Variants in ACTA2 observed in about 807,000 individuals in gnomAD.
The protein encoded by ACTA2 is actin alpha 2, smooth muscle.
In ACTA2, 12 loss-of-function variants were observed where a neutral mutation model predicts 39.5. The ratio of observed to expected loss-of-function variants is 0.30; its 90% CI spans 0.19 to 0.49. The LOEUF (loss-of-function observed/expected upper bound fraction) is 0.49. Among genes scored for constraint, ACTA2 ranks in the 20% least tolerant of loss-of-function variants. The pLI, the probability that ACTA2 is intolerant of heterozygous loss-of-function variation, is 0.99. For missense variants in ACTA2, 236 were observed against 498.8 expected, an observed-to-expected ratio of 0.47 and a Z score of 5.02; for synonymous variants, 158 against 180.6, an observed-to-expected ratio of 0.88 and a Z score of 1.00.
chr10:88,941,532 G>A, intron 5 of ACTA2, 142 bp from the exon 6 acceptor site: 4 of 1,114,190 alleles, frequency 3.6e-6, no homozygotes, highest in Admixed American at 3.9e-5. Flanking sequence ...GATAGGAGAG[G>A]TGAGGTGGGA....
intron 1 of ACTA2, among the ~76,000 whole-genome samples, chr10:88,962,625 C>T (rs542458165): frequency 2.6e-5 from 4 of 152,044 alleles, no homozygotes; most frequent in African/African-American, 4.8e-5. Context: ...AGTGTATGAA[C>T]GTAAGAGTGT....
chr10:88,977,234 TG>T (rs1846585662), intron 1 of ACTA2, among the ~76,000 whole-genome samples: 1 of 151,780 alleles, frequency 6.6e-6, no homozygotes, highest in Non-Finnish European at 1.5e-5. Flanking sequence ...ATGAAGTCCT[TG>T]CCCATGCCTA....
At chr10:88,981,602 T>G (rs1286473921) in intron 1 of ACTA2, among the ~76,000 whole-genome samples, 4 of 152,128 alleles carry the variant, frequency 2.6e-5, no homozygotes, top group Non-Finnish European at 5.9e-5. Context: ...ATCCAACAGC[T>G]GCTTTGTTAA....
intron 6 of ACTA2, chr10:88,940,096 A>C: frequency 3.6e-6 from 1 of 277,488 alleles, no homozygotes; most frequent in South Asian, 3.8e-5. Context: ...GTTAACCAGG[A>C]TATCTTATGC....
At chr10:88,947,002 T>C (rs905820380) in intron 3 of ACTA2, 3 of 356,776 alleles carry the variant, frequency 8.4e-6, no homozygotes, top group Admixed American at 4.4e-5. Flanking sequence ...TTTGGTTTTT[T>C]GTCCTTGCGA....
At position 88,982,431 on chromosome 10, in the gene ACTA2, T is replaced by C. The variant is rs78484273; in HGVS notation, c.-24+8508A>G. Among the ~76,000 whole-genome samples the C allele has an allele frequency of 1.3e-4, 20 of 152,166 alleles. No homozygotes were observed. The East Asian group carries it at 3.9e-3, about 29-fold the overall frequency. On this transcript the variant is annotated intron_variant, in intron 1 of 4. Coordinates refer to the ACTA2 transcript ENST00000415557. ...CCGAGCTTAAATGTGTTTTTTTCTT[T>C]TTTTTTTTGAAATGAGGAAAGGAAG...
chr10:88,982,212 G>A (rs1846728322), intron 1 of ACTA2, among the ~76,000 whole-genome samples: 1 of 152,144 alleles, frequency 6.6e-6, no homozygotes, highest in Non-Finnish European at 1.5e-5. Flanking sequence ...CACACAATAA[G>A]AAGACCTACC....
intron 6 of ACTA2, 45 bp from the exon 7 acceptor site, chr10:88,939,743 C>G: frequency 1.2e-6 from 2 of 1,606,508 alleles, no homozygotes; most frequent in Non-Finnish European, 1.7e-6. Flanking sequence ...AGGGTCTGCA[C>G]AGGTGGCAAA....
intron 1 of ACTA2, among the ~76,000 whole-genome samples, chr10:88,960,028 A>C (rs1344388014): frequency 6.6e-6 from 1 of 152,180 alleles, no homozygotes; most frequent in Admixed American, 6.5e-5. Flanking sequence ...ATAGATGTTC[A>C]TCTTAATCAC....
chr10:88,980,170 G>A (rs535909308), intron 1 of ACTA2, among the ~76,000 whole-genome samples: 4 of 151,904 alleles, frequency 2.6e-5, no homozygotes, highest in East Asian at 2.0e-4. Flanking sequence ...TTTTAGGCAC[G>A]ATAAGAATTC....
chr10:88,964,203 G>A (rs189684404), intron 1 of ACTA2, among the ~76,000 whole-genome samples: 3 of 151,988 alleles, frequency 2.0e-5, no homozygotes, highest in East Asian at 1.9e-4. Flanking sequence ...CTATTCTTCC[G>A]AATTCTTATC....
intron 1 of ACTA2, chr10:88,974,288 G>T (rs920811027): frequency 6.6e-6 from 1 of 151,594 alleles, no homozygotes; most frequent in Non-Finnish European, 1.5e-5. Flanking sequence ...ACTCAATTTG[G>T]TGAACCAATG....
chr10:88,978,364 T>C (rs550808325), intron 1 of ACTA2, among the ~76,000 whole-genome samples: 86 of 151,698 alleles, frequency 5.7e-4, no homozygotes, highest in Admixed American at 1.8e-3. Context: ...CTAACCTGCA[T>C]AATGTGCACA....
intron 1 of ACTA2, among the ~76,000 whole-genome samples, chr10:88,982,559 T>C (rs1002064315): frequency 2.6e-5 from 4 of 152,200 alleles, no homozygotes; most frequent in African/African-American, 7.2e-5. Context: ...TGGACATTTA[T>C]GGTCACATTA....
chr10:88,984,584 T>G (rs1329767416), intron 1 of ACTA2, among the ~76,000 whole-genome samples: 2 of 152,244 alleles, frequency 1.3e-5, no homozygotes, highest in African/African-American at 4.8e-5. Flanking sequence ...GGTTCAATAT[T>G]GTGTTGATTT....
At chr10:88,948,370 T>C (rs527595386) in intron 2 of ACTA2, 1 of 178,520 alleles carries the variant, frequency 5.6e-6, no homozygotes, top group Non-Finnish European at 1.2e-5. Flanking sequence ...TGTTGACAGG[T>C]AATATTATGT....
chr10:88,961,582 C>A (rs1846227192), intron 1 of ACTA2, among the ~76,000 whole-genome samples: 1 of 152,134 alleles, frequency 6.6e-6, no homozygotes, highest in Non-Finnish European at 1.5e-5. Context: ...ATAACTTAGG[C>A]AAGAATAGCC....
chr10:88,962,912 CATATATATATATATATATATATATATAT>C (rs60878394), intron 1 of ACTA2, among the ~76,000 whole-genome samples: 84 of 101,628 alleles, frequency 8.3e-4, no homozygotes, highest in African/African-American at 1.7e-3. Flanking sequence ...GGGAATGCCC[CATATATATATATATATATATATATATAT>C]ATATATATAT....
chr10:88,955,636 A>G (rs1381968698), upstream of ACTA2, among the ~76,000 whole-genome samples: 2 of 152,200 alleles, frequency 1.3e-5, no homozygotes, highest in Non-Finnish European at 2.9e-5. Context: ...CTTTCTATGA[A>G]GGTCTAAAGG....
Sources: gnomAD v4.1 joint callset for allele counts (sites outside exome capture counted in the v4.1 genomes callset) on GRCh38, gnomAD v4.1.1 for gene constraint, MANE v1.5 for transcripts, NCBI Gene and HGNC (gene_info 2026-07-23, HGNC 2026-07-21) for gene names.